MIPOL1: variants seen among roughly 807,000 people sequenced by gnomAD.
MIPOL1 encodes mirror-image polydactyly 1.
In MIPOL1, 57 loss-of-function variants were observed where a neutral mutation model predicts 60.9. The observed-to-expected ratio is 0.94, with a 90% confidence interval of 0.76 to 1.17. MIPOL1 has a LOEUF of 1.17. Among genes scored for constraint, MIPOL1 ranks in the 50% most tolerant of loss-of-function variants. MIPOL1 has a pLI of 0.00. For missense variants in MIPOL1, 551 were observed against 511.6 expected (o/e 1.08, Z -0.74); for synonymous variants, 179 against 168.8 (o/e 1.06, Z -0.47).
intron 11 of MIPOL1, among the ~76,000 whole-genome samples, chr14:37,468,613 G>C (rs1400225220): frequency 6.6e-6 from 1 of 152,100 alleles, no homozygotes; most frequent in Admixed American, 6.6e-5. Context: ...ACATGAAACA[G>C]GTTTAAGCAA....
At chr14:37,526,548 T>A (rs1001648267) in intron 12 of MIPOL1, among the ~76,000 whole-genome samples, 83 of 149,252 alleles carry the variant, frequency 5.6e-4, no homozygotes, top group African/African-American at 1.8e-3. Flanking sequence ...TTTTTGTATT[T>A]TTTTTTTTTT....
chr14:37,330,943 A>G (rs1268817175), intron 9 of MIPOL1, among the ~76,000 whole-genome samples: 2 of 152,148 alleles, frequency 1.3e-5, no homozygotes, highest in Non-Finnish European at 2.9e-5. Context: ...GACATCTGGC[A>G]TATATTGAAT....
intron 11 of MIPOL1, among the ~76,000 whole-genome samples, chr14:37,435,191 A>T (rs2094144593): frequency 6.6e-6 from 1 of 151,960 alleles, no homozygotes; most frequent in Admixed American, 6.6e-5. Context: ...TACCTCTCTA[A>T]CCTTATTTCT....
At chr14:37,311,251 C>T (rs925711412) in intron 9 of MIPOL1, among the ~76,000 whole-genome samples, 2 of 152,070 alleles carry the variant, frequency 1.3e-5, no homozygotes, top group Non-Finnish European at 2.9e-5. Context: ...ATGAAGCATT[C>T]GTTCACCACA....
At chr14:37,535,487 T>C (rs540345690) in intron 12 of MIPOL1, among the ~76,000 whole-genome samples, 1 of 152,336 alleles carries the variant, frequency 6.6e-6, no homozygotes, top group Admixed American at 6.5e-5. Flanking sequence ...TTGTGAGATC[T>C]GAGTACAGCT....
chr14:37,285,720 T>C (rs2084501962), intron 7 of MIPOL1, among the ~76,000 whole-genome samples: 1 of 151,866 alleles, frequency 6.6e-6, no homozygotes, highest in South Asian at 2.1e-4. Context: ...GCCTCCCAAG[T>C]AGCTGGGACT....
rs545295787 is a variant in MIPOL1, at chr14:37,224,867, A to T, written c.-198-22236A>T. ...AAGTCCCTTCTGCCTATGAGCCTGT[A>T]AAATCGAAAGCAAATTAGTTATTTT... On this transcript the variant is annotated intron_variant, in intron 1 of 12. Coordinates refer to ENST00000684589, the MANE Select transcript of MIPOL1 (RefSeq NM_001388067.1). Among the ~76,000 whole-genome samples the T allele has an allele frequency of 2.0e-5, 3 of 152,336 alleles. No individual in the cohort carries two copies. In the East Asian group the frequency reaches 5.8e-4, roughly 29 times the overall value.
chr14:37,542,207 T>C (rs2095532401), intron 12 of MIPOL1, among the ~76,000 whole-genome samples: 1 of 152,192 alleles, frequency 6.6e-6, no homozygotes, highest in South Asian at 2.1e-4. Context: ...CTTCTTGGAG[T>C]TCTCATCTCT....
At position 37,351,063 on chromosome 14, in the gene MIPOL1, C is replaced by A. The variant is rs893242390; in HGVS notation, c.829-18454C>A. 1.7e-5 allele frequency among the ~76,000 whole-genome samples: 2 copies of A among 118,800 alleles called. 1 individual carries two copies. Among genetic ancestry groups the A allele is most frequent in the Non-Finnish European group, 3.5e-5 (2 of 57,698 alleles). The allele number at this position is 118,800 out of a possible 152,430, so 77.9% of individuals were successfully genotyped here. On this transcript the variant is annotated intron_variant, in intron 9 of 12. Transcript: ENST00000684589. ...CCCAATGCTATCCCTCCCCCCTCCC[C>A]CCACCCCACAACGGTCCCCAGAGTG...
chr14:37,505,881 T>A (rs1321703757), intron 12 of MIPOL1: 2 of 152,202 alleles, frequency 1.3e-5, no homozygotes, highest in Non-Finnish European at 2.9e-5. Flanking sequence ...AAAACCTCTT[T>A]AAGATGATAA....
intron 10 of MIPOL1, among the ~76,000 whole-genome samples, chr14:37,399,365 A>G (rs2093438456): frequency 6.6e-6 from 1 of 152,140 alleles, no homozygotes; most frequent in African/African-American, 2.4e-5. Context: ...CTTCTCCAGT[A>G]TGTCCAATCC....
At chr14:37,263,380 A>G (rs1387888166) in intron 3 of MIPOL1, among the ~76,000 whole-genome samples, 1 of 152,226 alleles carries the variant, frequency 6.6e-6, no homozygotes, top group Non-Finnish European at 1.5e-5. Context: ...CTAGATGAAT[A>G]AACTGTCTAG....
intron 6 of MIPOL1, among the ~76,000 whole-genome samples, chr14:37,282,238 A>ATATTATTATTAT (rs71124802): frequency 0.036 from 5,223 of 146,364 alleles, 112 homozygotes; most frequent in South Asian, 0.049. Context: ...TATTGCAGTA[A>ATATTATTATTAT]TATTATTATT....
intron 11 of MIPOL1, among the ~76,000 whole-genome samples, chr14:37,428,656 A>T (rs1193039675): frequency 1.3e-5 from 2 of 148,170 alleles, no homozygotes; most frequent in Non-Finnish European, 1.5e-5. Flanking sequence ...TTTTTTTCCA[A>T]AAATCTTTTT....
intron 11 of MIPOL1, among the ~76,000 whole-genome samples, chr14:37,492,115 T>TA (rs1475714988): frequency 2.0e-5 from 3 of 152,210 alleles, no homozygotes; most frequent in Admixed American, 2.0e-4. Context: ...GTGCTGATAT[T>TA]ACAAGCATGA....
At chr14:37,546,776 C>T in intron 12 of MIPOL1, 129 bp from the exon 13 acceptor site, 4 of 715,240 alleles carry the variant, frequency 5.6e-6, no homozygotes, top group Non-Finnish European at 9.5e-6. Flanking sequence ...CACAGTAATG[C>T]TTTGTTTCTT....
At chr14:37,519,351 T>C (rs17106810) in intron 12 of MIPOL1, among the ~76,000 whole-genome samples, 2,917 of 152,228 alleles carry the variant, frequency 0.019, 29 homozygotes, top group Middle Eastern at 0.031. Flanking sequence ...CTTATGTAAG[T>C]GATGGCAGAT....
intron 12 of MIPOL1, among the ~76,000 whole-genome samples, chr14:37,535,379 T>C (rs1157757912): frequency 1.3e-5 from 2 of 152,192 alleles, no homozygotes; most frequent in Admixed American, 1.3e-4. Context: ...TAAATCCAAG[T>C]TTCTTGCTGA....
chr14:37,251,896 A>G (rs1974172159), intron 3 of MIPOL1, among the ~76,000 whole-genome samples: 1 of 151,960 alleles, frequency 6.6e-6, no homozygotes, highest in Admixed American at 6.6e-5. Flanking sequence ...TAAAAATGAG[A>G]TCTGGATACC....
Sources: allele counts gnomAD v4.1 joint callset (sites outside exome capture counted in the v4.1 genomes callset), GRCh38; gene constraint gnomAD v4.1.1; transcripts MANE v1.5; gene names NCBI Gene and HGNC (gene_info 2026-07-23, HGNC 2026-07-21).